The following L3MBTL4 variants were observed in gnomAD, a reference collection of about 807,000 sequenced individuals.
The protein encoded by L3MBTL4 is L3MBTL histone methyl-lysine binding protein 4, also known as lethal(3)malignant brain tumor-like protein 4.
Under a neutral mutation model 84.5 loss-of-function variants are expected in L3MBTL4, and 70 were observed. That is an observed-to-expected ratio of 0.83 (90% CI 0.68 to 1.01). The LOEUF (loss-of-function observed/expected upper bound fraction) is 1.01, where lower values mean the gene tolerates loss of function less well. Ranked by LOEUF, L3MBTL4 falls within the 50% of genes least tolerant of loss-of-function variation. The probability of loss-of-function intolerance (pLI) is 0.00; values close to 1 mark genes in which losing one functional copy is unlikely to be tolerated. For synonymous variants in L3MBTL4, 274 were observed against 259.8 expected (o/e 1.05, Z -0.52); for missense variants, 715 against 754.8 (o/e 0.95, Z 0.62).
At position 6,093,362 on chromosome 18, in the gene L3MBTL4, G is replaced by A. The variant is rs141232707; in HGVS notation, c.1366C>T (p.Gln456Ter). 6.2e-7 allele frequency: 1 copy of A among 1,606,594 alleles called. No homozygotes were observed. The highest frequency in any genetic ancestry group is 2.2e-5 in the East Asian group (1 of 44,614). Residue 456 changes from glutamine (Q) to a stop codon, truncating the protein, a stop_gained, in exon 15 of 19, where the codon CAG becomes TAG. Coordinates refer to ENST00000317931, the MANE Select transcript of L3MBTL4 (RefSeq NM_001330559.2). LOFTEE classifies it high-confidence loss of function. ...TTTTAAGAAGTTTCTTACCTGGGCTGACTGTTCACCTTTTCATGTTTTCCA... is the reference window on the plus strand; with the variant it reads ...TTTTAAGAAGTTTCTTACCTGGGCTAACTGTTCACCTTTTCATGTTTTCCA... Reference protein sequence around the residue: ...FNGKHEKVNSQPRLVQQAKCL... With the variant: ...FNGKHEKVNS
intron 16 of L3MBTL4, chr18:6,031,848 A>T (rs1341690140): frequency 1.5e-5 from 15 of 984,084 alleles, no homozygotes; most frequent in Non-Finnish European, 1.4e-5. Flanking sequence ...TTTAGCAGGC[A>T]CAAGTACAGT....
chr18:6,138,383 C>A (rs959762829), intron 13 of L3MBTL4, 87 bp from the exon 14 acceptor site: 3 of 791,530 alleles, frequency 3.8e-6, no homozygotes, highest in African/African-American at 3.5e-5. Context: ...CTAATTAAGA[C>A]TTTACAAATT....
intron 10 of L3MBTL4, among the ~76,000 whole-genome samples, chr18:6,231,244 T>C (rs2046988675): frequency 6.6e-6 from 1 of 152,190 alleles, no homozygotes; most frequent in African/African-American, 2.4e-5. Flanking sequence ...CATCTTGAGT[T>C]GATTTTTGTA....
intron 16 of L3MBTL4, among the ~76,000 whole-genome samples, chr18:6,046,177 T>A (rs1418758357): frequency 6.6e-6 from 1 of 152,052 alleles, no homozygotes; most frequent in Non-Finnish European, 1.5e-5. Context: ...TACATAATGA[T>A]AAAGAGTTCA....
chr18:6,010,778 C>T (rs1354101404), intron 16 of L3MBTL4, among the ~76,000 whole-genome samples: 2 of 152,026 alleles, frequency 1.3e-5, no homozygotes, highest in Non-Finnish European at 2.9e-5. Flanking sequence ...GAAAGTCTTT[C>T]CTCACAAAAT....
chr18:6,244,842 C>T (rs2047592260), intron 5 of L3MBTL4, among the ~76,000 whole-genome samples: 1 of 152,182 alleles, frequency 6.6e-6, no homozygotes, highest in Admixed American at 6.5e-5. Context: ...TTGATTCAAT[C>T]ATTCCACACT....
intron 4 of L3MBTL4, among the ~76,000 whole-genome samples, chr18:6,295,030 T>G (rs1469977478): frequency 6.6e-6 from 1 of 152,102 alleles, no homozygotes; most frequent in Non-Finnish European, 1.5e-5. Flanking sequence ...TCCCAGCATT[T>G]TGGGAAGCCA....
At chr18:6,139,292 T>C (rs2060123302) in intron 13 of L3MBTL4, among the ~76,000 whole-genome samples, 1 of 152,108 alleles carries the variant, frequency 6.6e-6, no homozygotes, top group South Asian at 2.1e-4. Flanking sequence ...TACTATACTC[T>C]ATGCTACACC....
intron 4 of L3MBTL4, among the ~76,000 whole-genome samples, chr18:6,296,935 A>T (rs2050131706): frequency 6.6e-6 from 1 of 152,178 alleles, no homozygotes; most frequent in Non-Finnish European, 1.5e-5. Context: ...CAGGTTGATG[A>T]TGGTGCTACA....
chr18:5,982,147 G>C (rs991048951), intron 16 of L3MBTL4, among the ~76,000 whole-genome samples: 2 of 152,120 alleles, frequency 1.3e-5, no homozygotes, highest in East Asian at 1.9e-4. Flanking sequence ...TCTATGTTGC[G>C]TTTCAACCTC....
At chr18:6,090,549 A>G (rs2058409707) in intron 15 of L3MBTL4, among the ~76,000 whole-genome samples, 1 of 150,992 alleles carries the variant, frequency 6.6e-6, no homozygotes, top group African/African-American at 2.4e-5. Context: ...GAATTACAAG[A>G]AGTCTGGATA....
At chr18:6,389,277 C>A (rs1378253089) in intron 1 of L3MBTL4, among the ~76,000 whole-genome samples, 2 of 152,114 alleles carry the variant, frequency 1.3e-5, no homozygotes, top group African/African-American at 2.4e-5. Flanking sequence ...AATAGTCCTA[C>A]AAGAAATGCT....
chr18:6,300,139 T>C (rs182181910), intron 4 of L3MBTL4, among the ~76,000 whole-genome samples: 62 of 152,310 alleles, frequency 4.1e-4, no homozygotes, highest in African/African-American at 1.5e-3. Context: ...ACTAAACTAT[T>C]TTCATAGAGA....
At chr18:6,266,816 G>A (rs1333343487) in intron 4 of L3MBTL4, among the ~76,000 whole-genome samples, 1 of 152,094 alleles carries the variant, frequency 6.6e-6, no homozygotes, top group African/African-American at 2.4e-5. Flanking sequence ...CCAGCTACTT[G>A]GGAGGCTGAG....
intron 14 of L3MBTL4, among the ~76,000 whole-genome samples, chr18:6,130,984 C>T (rs2059859670): frequency 6.6e-6 from 1 of 152,110 alleles, no homozygotes; most frequent in Admixed American, 6.5e-5. Flanking sequence ...CTAAAATAAA[C>T]TTGTCTGACA....
chr18:6,381,304 T>C (rs2054586349), intron 1 of L3MBTL4, among the ~76,000 whole-genome samples: 1 of 152,240 alleles, frequency 6.6e-6, no homozygotes, highest in South Asian at 2.1e-4. Flanking sequence ...GCCTGTGTCT[T>C]TTAATTGGGG....
At chr18:5,984,580 G>T (rs908532790) in intron 16 of L3MBTL4, among the ~76,000 whole-genome samples, 2 of 152,138 alleles carry the variant, frequency 1.3e-5, no homozygotes, top group Non-Finnish European at 2.9e-5. Flanking sequence ...TTTTGGGGGG[G>T]AAGCTTTTTA....
intron 15 of L3MBTL4, among the ~76,000 whole-genome samples, chr18:6,085,044 G>A (rs1598694793): frequency 1.3e-5 from 2 of 152,202 alleles, no homozygotes. Context: ...TCTCAGTCAA[G>A]CAAAATGGAC....
At chr18:6,184,310 C>T (rs1010876899) in intron 12 of L3MBTL4, among the ~76,000 whole-genome samples, 3 of 152,030 alleles carry the variant, frequency 2.0e-5, no homozygotes, top group South Asian at 2.1e-4. Flanking sequence ...GGACAGAAAC[C>T]GTATTTTCTA....
Sources: allele counts gnomAD v4.1 joint callset (sites outside exome capture counted in the v4.1 genomes callset), GRCh38; gene constraint gnomAD v4.1.1; transcripts MANE v1.5; gene names NCBI Gene and HGNC (gene_info 2026-07-23, HGNC 2026-07-21).